TRPM3: variants seen among roughly 807,000 people sequenced by gnomAD.
TRPM3 encodes long transient receptor potential channel 3.
Under a neutral mutation model 181.2 loss-of-function variants are expected in TRPM3, and 77 were observed. That is an observed-to-expected ratio of 0.42 (90% CI 0.35 to 0.51). The LOEUF (loss-of-function observed/expected upper bound fraction) is 0.51, where lower values mean the gene tolerates loss of function less well. Ranked by LOEUF, TRPM3 falls within the 20% of genes least tolerant of loss-of-function variation. TRPM3 has a pLI of 0.01. For missense variants in TRPM3, 1,759 were observed against 2,196.7 expected (o/e 0.80, Z 3.98); for synonymous variants, 745 against 796.4 (o/e 0.94, Z 1.09).
intron 8 of TRPM3, among the ~76,000 whole-genome samples, chr9:70,759,059 A>G (rs901350245): frequency 3.9e-5 from 6 of 152,246 alleles, no homozygotes; most frequent in Non-Finnish European, 7.3e-5. Flanking sequence ...ACAGAATGAG[A>G]TAAAATTTTT....
At chr9:71,224,445 T>C (rs1022446089) in intron 1 of TRPM3, among the ~76,000 whole-genome samples, 1 of 152,146 alleles carries the variant, frequency 6.6e-6, no homozygotes, top group African/African-American at 2.4e-5. Context: ...ACAAACAAGC[T>C]CATACTGCAA....
chr9:70,796,260 G>C (rs547688901), intron 6 of TRPM3, among the ~76,000 whole-genome samples: 1 of 152,336 alleles, frequency 6.6e-6, no homozygotes, highest in African/African-American at 2.4e-5. Flanking sequence ...ATTATGGATC[G>C]GAAAATCACA....
chr9:71,090,232 A>G (rs1350648348), intron 1 of TRPM3, among the ~76,000 whole-genome samples: 1 of 152,126 alleles, frequency 6.6e-6, no homozygotes, highest in Non-Finnish European at 1.5e-5. Context: ...CAAGCTTTCA[A>G]GGACAGATTG....
At chr9:71,301,959 C>G (rs1010415968) in intron 1 of TRPM3, among the ~76,000 whole-genome samples, 3 of 152,094 alleles carry the variant, frequency 2.0e-5, no homozygotes, top group Non-Finnish European at 2.9e-5. Flanking sequence ...TGATTATCCT[C>G]CTTCAAATTT....
chr9:70,550,788 C>T (rs1435391438), intron 24 of TRPM3, among the ~76,000 whole-genome samples: 10 of 152,078 alleles, frequency 6.6e-5, no homozygotes, highest in Non-Finnish European at 1.3e-4. Flanking sequence ...TTGCCTGGGG[C>T]ATGGAAAGTA....
chr9:70,960,018 T>C (rs1180108380), intron 1 of TRPM3, among the ~76,000 whole-genome samples: 1 of 152,182 alleles, frequency 6.6e-6, no homozygotes, highest in African/African-American at 2.4e-5. Flanking sequence ...CTCTTTGAAT[T>C]TGTTTTGCCA....
intron 10 of TRPM3, among the ~76,000 whole-genome samples, chr9:70,640,087 G>C (rs1418119674): frequency 6.6e-6 from 1 of 152,130 alleles, no homozygotes; most frequent in African/African-American, 2.4e-5. Flanking sequence ...TCCTCATGTT[G>C]TTCTTTGCAA....
chr9:70,612,954 T>A (rs2062201289), intron 18 of TRPM3, among the ~76,000 whole-genome samples: 1 of 152,152 alleles, frequency 6.6e-6, no homozygotes, highest in Non-Finnish European at 1.5e-5. Flanking sequence ...CTGGGGATGG[T>A]GACTTTCCCA....
rs11142682 is a variant in TRPM3, at chr9:71,067,224, A to AT, written c.177+53953dup. Among the ~76,000 whole-genome samples, 533 of 150,600 alleles carry AT rather than the reference A, an allele frequency of 3.5e-3. 3 individuals carry two copies. The highest frequency in any genetic ancestry group is 0.012 in the African/African-American group (482 of 41,096). On this transcript the variant is annotated intron_variant, in intron 1 of 25. Coordinates refer to ENST00000677713, the MANE Select transcript of TRPM3 (RefSeq NM_001366145.2). ...ACACTGTGTATAGTATTTTCAAAGA[A>AT]TTTTTTTTTTTAACTAGCAAGGCAG...
intron 6 of TRPM3, among the ~76,000 whole-genome samples, chr9:70,820,276 ATTT>A (rs1302704688): frequency 2.6e-5 from 4 of 152,204 alleles, no homozygotes; most frequent in Non-Finnish European, 5.9e-5. Flanking sequence ...GCACAATCTA[ATTT>A]TAAGCCTCCA....
intron 1 of TRPM3, among the ~76,000 whole-genome samples, chr9:71,198,191 G>C (rs9777575): frequency 0.24 from 36,510 of 151,690 alleles, 5,093 homozygotes; most frequent in African/African-American, 0.36. Flanking sequence ...TAGATATGTG[G>C]TGTTATTTCT....
chr9:70,752,049 TGCGC>T (rs367694647), intron 8 of TRPM3, among the ~76,000 whole-genome samples: 16,311 of 115,414 alleles, frequency 0.14, 1,014 homozygotes, highest in East Asian at 0.19. Context: ...TGTGTGTGTG[TGCGC>T]GCGCGCGCGC....
At position 70,897,009 on chromosome 9, in the gene TRPM3, A is replaced by T. The variant is rs527332508; in HGVS notation, c.178-32498T>A. ...TTTATGGGGCACATGTGATATTTTG[A>T]TACATGTATATACTGTGCAATGATC... On this transcript the variant is annotated intron_variant, in intron 1 of 25. Coordinates refer to ENST00000677713, the MANE Select transcript of TRPM3 (RefSeq NM_001366145.2). Among the ~76,000 whole-genome samples, 5 of 125,852 alleles carry T rather than the reference A, an allele frequency of 4.0e-5. No individual in the cohort carries two copies. The East Asian group carries it at 1.0e-3, about 26-fold the overall frequency. The allele number at this position is 125,852 out of a possible 152,430, so 82.6% of individuals were successfully genotyped here.
At chr9:70,860,084 T>A (rs371205720) in intron 3 of TRPM3, among the ~76,000 whole-genome samples, 2 of 152,206 alleles carry the variant, frequency 1.3e-5, no homozygotes, top group African/African-American at 4.8e-5. Context: ...GTTTCACTAC[T>A]CTGTCTTTGT....
intron 19 of TRPM3, among the ~76,000 whole-genome samples, chr9:70,606,177 A>T (rs1316532123): frequency 1.3e-5 from 2 of 152,140 alleles, no homozygotes; most frequent in East Asian, 3.9e-4. Flanking sequence ...GGGCCTTTAT[A>T]ATGACTGGGG....
At chr9:71,217,381 G>A (rs1172901423) in intron 1 of TRPM3, among the ~76,000 whole-genome samples, 1 of 152,156 alleles carries the variant, frequency 6.6e-6, no homozygotes, top group East Asian at 1.9e-4. Flanking sequence ...TAAAGTATGT[G>A]TGTGTCAGAC....
intron 22 of TRPM3, among the ~76,000 whole-genome samples, chr9:70,570,884 T>C (rs2052133375): frequency 1.3e-5 from 2 of 152,350 alleles, no homozygotes; most frequent in South Asian, 2.1e-4. Flanking sequence ...TTATCTTTTA[T>C]AGTCTATCTT....
chr9:71,039,743 T>C (rs1054260311), intron 1 of TRPM3, among the ~76,000 whole-genome samples: 1 of 152,206 alleles, frequency 6.6e-6, no homozygotes, highest in African/African-American at 2.4e-5. Context: ...GTCTCAGTTG[T>C]GTCTTCTGTA....
rs1275535112 is a variant in TRPM3, at chr9:70,864,628, C to T, written c.178-117G>A. 6 of 528,442 alleles carry T rather than the reference C, an allele frequency of 1.1e-5. No homozygotes were observed. In the Admixed American group the frequency reaches 2.1e-4, roughly 19 times the overall value. The allele number at this position is 528,442 out of a possible 1,614,324, so 32.7% of individuals were successfully genotyped here. On this transcript the variant is annotated intron_variant, in intron 1 of 25. Transcript: ENST00000677713. ...AATCACATAAGAGACTAGTATATCA[C>T]AAATTGAACTGAAATTGTGATTATT...
Sources: gnomAD v4.1 joint callset for allele counts (sites outside exome capture counted in the v4.1 genomes callset) on GRCh38, gnomAD v4.1.1 for gene constraint, MANE v1.5 for transcripts, NCBI Gene and HGNC (gene_info 2026-07-23, HGNC 2026-07-21) for gene names.